The following NEK10 variants were observed in gnomAD, a reference collection of about 807,000 sequenced individuals.
NEK10 encodes the protein serine/threonine-protein kinase Nek10.
Under a neutral mutation model 159.8 loss-of-function variants are expected in NEK10, and 122 were observed. The observed-to-expected ratio is 0.76, with a 90% CI of 0.66 to 0.89. NEK10 has a LOEUF of 0.89. Ranked by LOEUF, NEK10 falls within the 40% of genes least tolerant of loss-of-function variation. The probability of loss-of-function intolerance (pLI) is 0.00; values close to 1 mark genes in which losing one functional copy is unlikely to be tolerated. For missense variants in NEK10, 1,342 were observed against 1,323.1 expected, an observed-to-expected ratio of 1.01 and a Z score of -0.22; for synonymous variants, 466 against 457.1, an observed-to-expected ratio of 1.02 and a Z score of -0.25.
chr3:27,301,780 CATT>C lies in NEK10; in HGVS notation c.1081_1083del (p.Asn361del). 1 of 1,560,466 alleles carries C rather than the reference CATT, an allele frequency of 6.4e-7. No individual in the cohort carries two copies. The highest frequency in any genetic ancestry group is 8.7e-7 in the Non-Finnish European group (1 of 1,151,210). On this transcript the variant is annotated inframe_deletion, in exon 13 of 36. Transcript: ENST00000691995. ...TGAAGCTGCTGGATTCGGCCTGCAG[CATT>C]TGCACTGGACAGGCTTCCAATGGAG...
At chr3:27,150,976 C>G (rs1350863089) in intron 30 of NEK10, among the ~76,000 whole-genome samples, 1 of 152,164 alleles carries the variant, frequency 6.6e-6, no homozygotes, top group African/African-American at 2.4e-5. Context: ...CTAGGAGACA[C>G]CCCAAATGCT....
intron 23 of NEK10, among the ~76,000 whole-genome samples, chr3:27,251,006 A>G (rs1168377416): frequency 6.6e-6 from 1 of 152,220 alleles, no homozygotes; most frequent in Non-Finnish European, 1.5e-5. Context: ...ACAGGAAATA[A>G]CAATCACTAT....
intron 24 of NEK10, 28 bp from the exon 25 acceptor site, chr3:27,201,608 G>T: frequency 1.3e-6 from 2 of 1,559,980 alleles, no homozygotes; most frequent in South Asian, 1.1e-5. Flanking sequence ...TAGAGTGATG[G>T]AAGTAAAGGG....
chr3:27,208,195 C>T (rs1048421834), intron 23 of NEK10, among the ~76,000 whole-genome samples: 2 of 151,392 alleles, frequency 1.3e-5, no homozygotes, highest in East Asian at 3.9e-4. Flanking sequence ...AATGAGGGTG[C>T]GGAAACTTGG....
chr3:27,271,152 TA>T (rs1171249746), intron 22 of NEK10, among the ~76,000 whole-genome samples: 56 of 22,508 alleles, frequency 2.5e-3, no homozygotes, highest in Non-Finnish European at 4.3e-3. Context: ...ATCTATCTTC[TA>T]TCTATCTATC....
At chr3:27,125,578 A>C (rs1047133989) in intron 32 of NEK10, among the ~76,000 whole-genome samples, 2 of 152,200 alleles carry the variant, frequency 1.3e-5, no homozygotes, top group African/African-American at 4.8e-5. Context: ...CAGCTTCTCC[A>C]TATGAGTTTT....
At chr3:27,356,331 C>A (rs545338760) in intron 1 of NEK10, among the ~76,000 whole-genome samples, 2 of 152,054 alleles carry the variant, frequency 1.3e-5, no homozygotes, top group Non-Finnish European at 2.9e-5. Context: ...GGGCAACATA[C>A]CAAGACTCCA....
At chr3:27,207,654 C>A (rs1189597437) in intron 23 of NEK10, among the ~76,000 whole-genome samples, 1 of 152,136 alleles carries the variant, frequency 6.6e-6, no homozygotes, top group African/African-American at 2.4e-5. Flanking sequence ...GGGATTTCTG[C>A]ATCCCACTGC....
intron 1 of NEK10, among the ~76,000 whole-genome samples, chr3:27,360,920 TTTA>T (rs1202082330): frequency 6.6e-6 from 1 of 152,220 alleles, no homozygotes; most frequent in Admixed American, 6.5e-5. Context: ...AATTTTCTAT[TTTA>T]TATGTAAACA....
chr3:27,323,878 G>A (rs185550726), intron 5 of NEK10, among the ~76,000 whole-genome samples: 1 of 152,148 alleles, frequency 6.6e-6, no homozygotes, highest in African/African-American at 2.4e-5. Flanking sequence ...CAAATTCAGA[G>A]GTGGTCACAA....
chr3:27,365,619 T>TTTTTTTTTTTTTTTTTTTTTTTG (rs1559571627), intron 1 of NEK10, among the ~76,000 whole-genome samples: 1 of 137,828 alleles, frequency 7.3e-6, no homozygotes, highest in African/African-American at 2.8e-5. Flanking sequence ...TGTTTTTTTT[T>TTTTTTTTTTTTTTTTTTTTTTTG]TTTTTTTTTT....
chr3:27,314,147 CCTCACA>C, intron 7 of NEK10, 144 bp downstream of exon 7: 1 of 627,448 alleles, frequency 1.6e-6, no homozygotes. Context: ...GAGTATCATG[CCTCACA>C]CTCACACTTA....
chr3:27,333,896 G>A (rs912273995), intron 5 of NEK10, among the ~76,000 whole-genome samples: 1 of 152,196 alleles, frequency 6.6e-6, no homozygotes, highest in Middle Eastern at 3.2e-3. Context: ...TGGCACACAT[G>A]CTTAACATCT....
At chr3:27,135,873 G>A (rs776806568) in intron 31 of NEK10, among the ~76,000 whole-genome samples, 3 of 152,094 alleles carry the variant, frequency 2.0e-5, no homozygotes, top group African/African-American at 4.8e-5. Flanking sequence ...CTTGCCATTA[G>A]TACAGGAGAT....
At chr3:27,210,920 C>A (rs544850482) in intron 23 of NEK10, among the ~76,000 whole-genome samples, 1 of 152,188 alleles carries the variant, frequency 6.6e-6, no homozygotes, top group East Asian at 1.9e-4. Context: ...ACTGCTACAA[C>A]TAAAACCAAT....
chr3:27,342,565 T>C (rs2047271940), intron 5 of NEK10, among the ~76,000 whole-genome samples: 2 of 152,210 alleles, frequency 1.3e-5, no homozygotes, highest in Admixed American at 1.3e-4. Flanking sequence ...GACTTCCAGG[T>C]ACTGCTCATG....
intron 5 of NEK10, among the ~76,000 whole-genome samples, chr3:27,324,713 A>G (rs965570078): frequency 2.6e-5 from 4 of 152,074 alleles, no homozygotes; most frequent in Non-Finnish European, 5.9e-5. Context: ...ACATCTGCCA[A>G]GATGATTCTT....
At position 27,234,826 on chromosome 3, in the gene NEK10, A is replaced by AC. The variant is rs375788119; in HGVS notation, c.2090+21469_2090+21470insG. On this transcript the variant is annotated intron_variant, in intron 23 of 35. Transcript: ENST00000691995. ...AGCCAAGGAGATCCTAAGCAAAAAGAACAAAGCTGCAGGTATCATGTTACC... is the reference window on the plus strand; with the variant it reads ...AGCCAAGGAGATCCTAAGCAAAAAGACACAAAGCTGCAGGTATCATGTTACC... 1.7e-3 allele frequency among the ~76,000 whole-genome samples: 253 copies of AC among 152,296 alleles called. 1 individual carries two copies. The highest frequency in any genetic ancestry group is 5.7e-3 in the African/African-American group (236 of 41,558).
At position 27,352,522 on chromosome 3, in the gene NEK10, G is replaced by A; in HGVS notation, c.75C>T (p.Asp25=). The A allele has an allele frequency of 6.2e-7, 1 of 1,605,280 alleles. No homozygotes were observed. Among genetic ancestry groups the A allele is most frequent in the Non-Finnish European group, 8.5e-7 (1 of 1,172,096 alleles). The change falls in exon 3 of 36, where the codon GAC becomes GAT. Residue 25 remains aspartate, a synonymous_variant. Transcript: ENST00000691995. ...ACCGAAGTCTTTTAAGATCTGAATA[G>A]TCCCTAGGAGAGAGAATAACACAAT... ...TDKQQEITIR[D]YSDLKRLRCL... is the part of the protein sequence containing the mutation.
Sources: gnomAD v4.1 joint callset for allele counts (sites outside exome capture counted in the v4.1 genomes callset) on GRCh38, gnomAD v4.1.1 for gene constraint, MANE v1.5 for transcripts, NCBI Gene and HGNC (gene_info 2026-07-23, HGNC 2026-07-21) for gene names.